Variants in PITPNC1 observed in about 807,000 individuals in gnomAD.
PITPNC1 encodes the protein phosphatidylinositol transfer protein cytoplasmic 1, also known as cytoplasmic phosphatidylinositol transfer protein 1.
In PITPNC1, 18 loss-of-function variants were observed where a neutral mutation model predicts 44.7. That is an observed-to-expected ratio of 0.40 (90% CI 0.28 to 0.60). PITPNC1 has a LOEUF of 0.60. Among genes scored for constraint, PITPNC1 ranks in the 20% least tolerant of loss-of-function variants. The pLI is 0.39. For synonymous variants in PITPNC1, 141 were observed against 149.6 expected, an observed-to-expected ratio of 0.94 and a Z score of 0.42; for missense variants, 290 against 418.4, an observed-to-expected ratio of 0.69 and a Z score of 2.68.
chr17:67,425,161 C>T (rs1387821145), intron 1 of PITPNC1, among the ~76,000 whole-genome samples: 1 of 146,908 alleles, frequency 6.8e-6, no homozygotes, highest in Admixed American at 7.0e-5. Flanking sequence ...CCGCCTGCAC[C>T]CAGGTGAAAT....
intron 5 of PITPNC1, among the ~76,000 whole-genome samples, chr17:67,592,813 G>T (rs1404213694): frequency 6.6e-6 from 1 of 152,228 alleles, no homozygotes; most frequent in African/African-American, 2.4e-5. Context: ...AAGGCAAGAG[G>T]ATCACTTGAG....
intron 1 of PITPNC1, among the ~76,000 whole-genome samples, chr17:67,443,389 T>C (rs1482239915): frequency 6.6e-6 from 1 of 152,074 alleles, no homozygotes; most frequent in East Asian, 1.9e-4. Context: ...TGTTTTCCCA[T>C]AGGAAATTGT....
At chr17:67,636,281 CAAAAAA>C (rs4020398) in intron 6 of PITPNC1, among the ~76,000 whole-genome samples, 1 of 77,348 alleles carries the variant, frequency 1.3e-5, no homozygotes, top group Non-Finnish European at 2.7e-5. Flanking sequence ...GACTCCGTTT[CAAAAAA>C]AAAAAAAAAA....
chr17:67,527,592 A>G (rs1598781581), intron 1 of PITPNC1, among the ~76,000 whole-genome samples: 2 of 152,302 alleles, frequency 1.3e-5, no homozygotes, highest in East Asian at 1.9e-4. Context: ...AACCTCAGCT[A>G]CTGAGGAGGC....
At chr17:67,541,764 A>G (rs1351991808) in intron 2 of PITPNC1, among the ~76,000 whole-genome samples, 1 of 152,204 alleles carries the variant, frequency 6.6e-6, no homozygotes, top group African/African-American at 2.4e-5. Context: ...TGAGTGTATC[A>G]TGGTGCCATT....
chr17:67,596,830 C>T (rs556011308), intron 5 of PITPNC1, among the ~76,000 whole-genome samples: 37 of 152,224 alleles, frequency 2.4e-4, no homozygotes, highest in African/African-American at 8.9e-4. Flanking sequence ...GGTTTAAAGG[C>T]TCTTCCCCCT....
chr17:67,442,155 T>C (rs1246585358), intron 1 of PITPNC1, among the ~76,000 whole-genome samples: 1 of 143,402 alleles, frequency 7.0e-6, no homozygotes, highest in African/African-American at 2.5e-5. Flanking sequence ...GCTATGTTGA[T>C]TGCACTGCCC....
At chr17:67,423,086 C>G (rs2038694658) in intron 1 of PITPNC1, among the ~76,000 whole-genome samples, 2 of 151,682 alleles carry the variant, frequency 1.3e-5, no homozygotes, top group Non-Finnish European at 1.5e-5. Flanking sequence ...ATATGTTGAA[C>G]AAAGTCCATT....
chr17:67,396,860 G>A (rs950059239), intron 1 of PITPNC1, among the ~76,000 whole-genome samples: 9 of 151,890 alleles, frequency 5.9e-5, no homozygotes, highest in African/African-American at 2.2e-4. Flanking sequence ...TTGCTATGTT[G>A]CCCAGGCTGT....
intron 1 of PITPNC1, among the ~76,000 whole-genome samples, chr17:67,472,764 C>CTT (rs762622733): frequency 1.1e-4 from 17 of 152,106 alleles, no homozygotes; most frequent in Non-Finnish European, 1.9e-4. Flanking sequence ...ACAAGCTTAC[C>CTT]GTCTATTCAT....
intron 1 of PITPNC1, among the ~76,000 whole-genome samples, chr17:67,419,898 C>T (rs2038646223): frequency 6.6e-6 from 1 of 150,962 alleles, no homozygotes; most frequent in Admixed American, 6.6e-5. Flanking sequence ...GCTGGAGACC[C>T]AGAGCAAGAC....
chr17:67,409,000 T>C (rs1253603578), intron 1 of PITPNC1: 2 of 151,916 alleles, frequency 1.3e-5, no homozygotes, highest in Non-Finnish European at 2.9e-5. Context: ...GTTTCAGCTC[T>C]TACATTTAGG....
intron 1 of PITPNC1, among the ~76,000 whole-genome samples, chr17:67,484,283 G>C (rs1214303634): frequency 6.6e-6 from 1 of 152,126 alleles, no homozygotes; most frequent in Non-Finnish European, 1.5e-5. Flanking sequence ...CCAGCTCAGA[G>C]AGTTGTTGTT....
chr17:67,570,452 G>A (rs889923548), intron 4 of PITPNC1, among the ~76,000 whole-genome samples: 10 of 152,190 alleles, frequency 6.6e-5, no homozygotes, highest in African/African-American at 2.4e-4. Flanking sequence ...GTGTCCTGTG[G>A]ATGCCTTTCC....
intron 5 of PITPNC1, among the ~76,000 whole-genome samples, chr17:67,628,305 C>G (rs1455784728): frequency 6.6e-6 from 1 of 152,094 alleles, no homozygotes; most frequent in Admixed American, 6.6e-5. Context: ...GGTAACCTCT[C>G]AAGGGCTATC....
intron 1 of PITPNC1, chr17:67,525,473 T>C (rs1195852002): frequency 6.6e-6 from 1 of 152,254 alleles, no homozygotes; most frequent in African/African-American, 2.4e-5. Flanking sequence ...ACCATTAGAC[T>C]AGAACATTTG....
intron 6 of PITPNC1, among the ~76,000 whole-genome samples, chr17:67,635,512 G>A (rs1281970725): frequency 6.6e-6 from 1 of 152,196 alleles, no homozygotes; most frequent in Non-Finnish European, 1.5e-5. Flanking sequence ...AGACAGAAAT[G>A]AGTCTGGAGC....
At chr17:67,496,481 G>A (rs1458790355) in intron 1 of PITPNC1, among the ~76,000 whole-genome samples, 2 of 152,140 alleles carry the variant, frequency 1.3e-5, no homozygotes, top group Non-Finnish European at 2.9e-5. Flanking sequence ...CCTGTGCTGT[G>A]TTGAGTGCAC....
At chr17:67,446,213 A>G (rs370407235) in intron 1 of PITPNC1, among the ~76,000 whole-genome samples, 9 of 151,610 alleles carry the variant, frequency 5.9e-5, no homozygotes, top group East Asian at 5.8e-4. Context: ...CCAAAGTGCT[A>G]GGATTACAGG....
Sources: gnomAD v4.1 joint callset for allele counts (sites outside exome capture counted in the v4.1 genomes callset) on GRCh38, gnomAD v4.1.1 for gene constraint, MANE v1.5 for transcripts, NCBI Gene and HGNC (gene_info 2026-07-23, HGNC 2026-07-21) for gene names.